Variants in DNAJC1 observed in about 807,000 individuals in gnomAD.
DNAJC1 encodes dnaJ homolog subfamily C member 1.
DNAJC1 carries 58 observed loss-of-function variants against 76.6 expected under a neutral mutation model. The ratio of observed to expected loss-of-function variants is 0.76; its 90% confidence interval spans 0.61 to 0.94. The LOEUF (loss-of-function observed/expected upper bound fraction) is 0.94, where lower values mean the gene tolerates loss of function less well. DNAJC1 is among the 40% of genes least tolerant of loss of function. The pLI is 0.00. For missense variants in DNAJC1, 689 were observed against 677.3 expected (o/e 1.02, Z -0.19); for synonymous variants, 258 against 267.9 (o/e 0.96, Z 0.36).
intron 8 of DNAJC1, among the ~76,000 whole-genome samples, chr10:21,855,408 T>A (rs547497430): frequency 6.6e-6 from 1 of 152,202 alleles, no homozygotes; most frequent in Non-Finnish European, 1.5e-5. Context: ...GTGATAAATA[T>A]CTTTAATTCA....
chr10:21,975,678 G>A (rs1838050645), intron 1 of DNAJC1, among the ~76,000 whole-genome samples: 2 of 152,196 alleles, frequency 1.3e-5, no homozygotes, highest in Non-Finnish European at 2.9e-5. Context: ...ACACTGATAA[G>A]TGTTAGGACC....
At chr10:21,996,116 C>T (rs1838412141) in intron 1 of DNAJC1, among the ~76,000 whole-genome samples, 1 of 152,174 alleles carries the variant, frequency 6.6e-6, no homozygotes, top group African/African-American at 2.4e-5. Context: ...GGTCCTGCTT[C>T]ATCCAATCAG....
chr10:21,962,451 T>C (rs2807967), intron 1 of DNAJC1, among the ~76,000 whole-genome samples: 95,320 of 126,006 alleles, frequency 0.76, 36,979 homozygotes, highest in East Asian at 0.98. Flanking sequence ...AAACTTGCTA[T>C]TTTATTGCTT....
At chr10:21,894,489 T>C (rs548566759) in intron 7 of DNAJC1, among the ~76,000 whole-genome samples, 1 of 152,294 alleles carries the variant, frequency 6.6e-6, no homozygotes, top group Admixed American at 6.5e-5. Flanking sequence ...GAGAATCACT[T>C]GAACCTGGGA....
intron 8 of DNAJC1, among the ~76,000 whole-genome samples, 172 bp downstream of exon 8, chr10:21,882,110 C>T (rs574052257): frequency 4.7e-4 from 71 of 152,198 alleles, no homozygotes; most frequent in African/African-American, 1.7e-3. Context: ...GCTGAGATTG[C>T]GCCACTGCAC....
intron 1 of DNAJC1, among the ~76,000 whole-genome samples, chr10:21,930,542 G>T (rs1001276949): frequency 2.0e-5 from 3 of 152,148 alleles, no homozygotes; most frequent in African/African-American, 7.2e-5. Context: ...AGTCTGTCAG[G>T]CTTGTCTTTA....
At chr10:21,907,039 A>G (rs968013286) in intron 6 of DNAJC1, among the ~76,000 whole-genome samples, 17 of 152,248 alleles carry the variant, frequency 1.1e-4, no homozygotes, top group Admixed American at 2.0e-4. Flanking sequence ...ATTTTGCTGT[A>G]TAATAGCAAC....
chr10:21,797,440 A>C (rs892129594), intron 9 of DNAJC1, among the ~76,000 whole-genome samples: 4 of 152,142 alleles, frequency 2.6e-5, no homozygotes, highest in Non-Finnish European at 4.4e-5. Context: ...GTCCTTTGTA[A>C]TTCCATATAC....
At chr10:21,914,572 CTT>C (rs1836921951) in intron 6 of DNAJC1, among the ~76,000 whole-genome samples, 1 of 152,082 alleles carries the variant, frequency 6.6e-6, no homozygotes. Flanking sequence ...TCTTTTTAGA[CTT>C]GTCATATCAG....
intron 8 of DNAJC1, among the ~76,000 whole-genome samples, chr10:21,871,548 AAAC>A (rs772809934): frequency 2.6e-5 from 4 of 152,234 alleles, no homozygotes; most frequent in Non-Finnish European, 5.9e-5. Context: ...CACTAAAAAC[AAAC>A]AACTACAACA....
intron 1 of DNAJC1, among the ~76,000 whole-genome samples, chr10:21,986,750 C>A (rs550167055): frequency 5.1e-4 from 77 of 151,880 alleles, no homozygotes; most frequent in African/African-American, 1.8e-3. Flanking sequence ...AACACTTTGG[C>A]TGGGAAATTT....
At chr10:21,919,788 T>C in intron 5 of DNAJC1, 44 bp downstream of exon 5, 1 of 1,395,332 alleles carries the variant, frequency 7.2e-7, no homozygotes, top group Non-Finnish European at 1.0e-6. Flanking sequence ...AAAGATGTAT[T>C]TTAAAACAGC....
chr10:21,980,550 G>T (rs1838138863), intron 1 of DNAJC1, among the ~76,000 whole-genome samples: 1 of 152,084 alleles, frequency 6.6e-6, no homozygotes, highest in Non-Finnish European at 1.5e-5. Flanking sequence ...TCCCAGAGTG[G>T]ACATAAATGA....
intron 8 of DNAJC1, 34 bp from the exon 9 acceptor site, chr10:21,806,133 T>G (rs755371572): frequency 2.3e-5 from 36 of 1,565,208 alleles, no homozygotes; most frequent in Non-Finnish European, 2.9e-5. Flanking sequence ...AAAAAGATAA[T>G]TGGGAGAAAA....
chr10:21,765,274 C>G (rs1331127236), intron 10 of DNAJC1, among the ~76,000 whole-genome samples: 2 of 152,024 alleles, frequency 1.3e-5, no homozygotes, highest in African/African-American at 4.8e-5. Context: ...CACTATGTTG[C>G]CCAGGCTGGT....
chr10:21,829,984 C>T lies in DNAJC1; in HGVS notation c.979-23885G>A, dbSNP rs147471733. Among the ~76,000 whole-genome samples the T allele has an allele frequency of 5.0e-3, 769 of 152,288 alleles. 5 individuals carry two copies. Among genetic ancestry groups the T allele is most frequent in the Non-Finnish European group, 8.6e-3 (587 of 68,010 alleles). ...CCAATATTTTTTAAACAATCACTAA[C>T]AAATCTAAAGTAAATCCATATCTAT... is the stretch of plus-strand genomic sequence containing the variant. On this transcript the variant is annotated intron_variant, in intron 8 of 11. Coordinates refer to ENST00000376980, the MANE Select transcript of DNAJC1 (RefSeq NM_022365.4).
chr10:21,973,754 A>G (rs1024958034), intron 1 of DNAJC1, among the ~76,000 whole-genome samples: 2 of 152,124 alleles, frequency 1.3e-5, no homozygotes, highest in African/African-American at 4.8e-5. Flanking sequence ...AAAAAAGAAA[A>G]AAAGAAAAAA....
chr10:21,854,561 G>GA (rs1454891461), intron 8 of DNAJC1, among the ~76,000 whole-genome samples: 15 of 151,418 alleles, frequency 9.9e-5, no homozygotes, highest in Admixed American at 5.9e-4. Flanking sequence ...AGAGATACAG[G>GA]AAAAAAAACA....
At chr10:21,938,215 G>A (rs543010231) in intron 1 of DNAJC1, among the ~76,000 whole-genome samples, 1 of 151,512 alleles carries the variant, frequency 6.6e-6, no homozygotes, top group South Asian at 2.1e-4. Flanking sequence ...ATTAAATCAC[G>A]ATATTTAATT....
Sources: gnomAD v4.1 joint callset for allele counts (sites outside exome capture counted in the v4.1 genomes callset) on GRCh38, gnomAD v4.1.1 for gene constraint, MANE v1.5 for transcripts, NCBI Gene and HGNC (gene_info 2026-07-23, HGNC 2026-07-21) for gene names.